Variants in AGAP2 observed in about 807,000 individuals in gnomAD.
The protein encoded by AGAP2 is ArfGAP with GTPase domain, ankyrin repeat and PH domain 2.
AGAP2 carries 32 observed loss-of-function variants against 110.9 expected under a neutral mutation model. The observed-to-expected ratio is 0.29, with a 90% CI of 0.22 to 0.39. The LOEUF is 0.39. Ranked by LOEUF, AGAP2 falls within the 10% of genes least tolerant of loss-of-function variation. The pLI is 1.00. For synonymous variants in AGAP2, 702 were observed against 713.0 expected (o/e 0.98, Z 0.25); for missense variants, 1,285 against 1,638.5 (o/e 0.78, Z 3.72).
At position 57,726,783 on chromosome 12, in the gene AGAP2, G is replaced by A; in HGVS notation, c.3348C>T (p.Asp1116=). ...GGCCCTGGGCGTCACGGGCCGCCAC[G>A]TCCGCGCCGTACTAGAGGGCGGAAA... ...ITQLLLWYGA[D]VAARDAQGRT... Residue 1116 remains aspartate, a synonymous_variant, in exon 19 of 19, where the codon GAC becomes GAT. Coordinates refer to ENST00000547588, the MANE Select transcript of AGAP2 (RefSeq NM_001122772.3). This position sits in a 1 kb window ranked among gnomAD's most constrained non-coding sequence, Gnocchi z 5.7. 7.2e-7 allele frequency: 1 copy of A among 1,391,140 alleles called. No individual in the cohort carries two copies. The highest frequency in any genetic ancestry group is 1.5e-5 in the African/African-American group (1 of 66,376). 86.2% of individuals were successfully genotyped at this position (1,391,140 alleles called of 1,614,324 possible). A position where few individuals can be genotyped will look rare whatever the true frequency, so the allele number is the denominator to read the frequency against.
rs1955038384 is a variant in AGAP2, at chr12:57,738,740, A to C, written c.-494T>G. Among the ~76,000 whole-genome samples the C allele has an allele frequency of 7.8e-6, 1 of 128,624 alleles. No homozygotes were observed. Among genetic ancestry groups the C allele is most frequent in the South Asian group, 2.5e-4 (1 of 4,050 alleles). 84.4% of individuals were successfully genotyped at this position (128,624 alleles called of 152,430 possible). A position where few individuals can be genotyped will look rare whatever the true frequency, so the allele number is the denominator to read the frequency against. Reference sequence around the variant, plus strand: ...AGGGTCTAGAGGAGGGTGGGAAGCTAGTGGGGCTGGCCGTGCGGGGGATTC... The same window carrying C: ...AGGGTCTAGAGGAGGGTGGGAAGCTCGTGGGGCTGGCCGTGCGGGGGATTC... On this transcript the variant is annotated 5_prime_UTR_variant, in exon 1 of 19. Transcript: ENST00000547588. This position sits in a 1 kb window ranked among gnomAD's most constrained non-coding sequence, Gnocchi z 6.7.
Position 57,726,457 on chromosome 12 carries a change from A to G in AGAP2, c.*95T>C. The G allele has an allele frequency of 1.8e-6, 2 of 1,108,702 alleles. No individual in the cohort carries two copies. The highest frequency in any genetic ancestry group is 2.2e-6 in the Non-Finnish European group (2 of 903,652). The allele number at this position is 1,108,702 out of a possible 1,614,324, so 68.7% of individuals were successfully genotyped here. A position where few individuals can be genotyped will look rare whatever the true frequency, so the allele number is the denominator to read the frequency against. On this transcript the variant is annotated 3_prime_UTR_variant, in exon 19 of 19. Coordinates refer to ENST00000547588, the MANE Select transcript of AGAP2 (RefSeq NM_001122772.3). This position sits in a 1 kb window ranked among gnomAD's most constrained non-coding sequence, Gnocchi z 5.7. ...AGTGCTCCCGTGGGGCGGGGTGCGG[A>G]TCGGAGAGGTGAGTGGGTGCGTCTG... is the stretch of plus-strand genomic sequence containing the variant.
At chr12:57,730,318 G>C in intron 12 of AGAP2, 177 bp downstream of exon 12, 1 of 937,544 alleles carries the variant, frequency 1.1e-6, no homozygotes, top group South Asian at 1.8e-5. Context: ...TGACGTTAGA[G>C]TCCACTTGTC....
intron 7 of AGAP2, 146 bp from the exon 8 acceptor site, chr12:57,732,113 C>T: frequency 9.8e-7 from 1 of 1,024,212 alleles, no homozygotes; most frequent in Non-Finnish European, 1.4e-6. Flanking sequence ...AAAATCCTCA[C>T]TAACATTGTG....
Position 57,727,503 on chromosome 12 carries a change from G to A in AGAP2, c.2937C>T (p.His979=). Residue 979 remains histidine (H), a synonymous_variant, in exon 17 of 19, where the codon CAC becomes CAT. Transcript: ENST00000547588. ...CSGIHRNLGT[H]LSRVRSLDLD... ...AGTCCAGCGAGCGAACGCGGGACAG[G>A]TGTGTGCCCAGGTTGCGGTGGATGC... is the stretch of plus-strand genomic sequence containing the variant. 1 of 1,612,894 alleles carries A rather than the reference G, an allele frequency of 6.2e-7. No homozygotes were observed. Among genetic ancestry groups the A allele is most frequent in the Non-Finnish European group, 8.5e-7 (1 of 1,179,700 alleles).
At chr12:57,734,795 C>T in intron 2 of AGAP2, 116 bp from the exon 3 acceptor site, 1 of 882,678 alleles carries the variant, frequency 1.1e-6, no homozygotes, top group Non-Finnish European at 1.8e-6. Context: ...CCCTACAGGG[C>T]CTGGATGACA....
Position 57,737,547 on chromosome 12 carries a change from C to G in AGAP2, c.700G>C (p.Val234Leu), listed in dbSNP as rs1415693679. 1 of 1,555,014 alleles carries G rather than the reference C, an allele frequency of 6.4e-7. No homozygotes were observed. Among genetic ancestry groups the G allele is most frequent in the Admixed American group, 1.9e-5 (1 of 51,330 alleles). ...GCGGCGGCGGTGGCGGCGGCAGAGA[C>G]CGAAGCTCCAGTCCCGGCGCTGCTC... Reference protein sequence around the residue: ...SKSSAGTGASVSAAATAAAAG... With the variant: ...SKSSAGTGASLSAAATAAAAG... The change falls in exon 1 of 19, where the codon GTC becomes CTC. Residue 234 changes from valine (V) to leucine (L), a missense_variant. Val to Leu is a conservative substitution (Grantham distance 32). Coordinates refer to ENST00000547588, the MANE Select transcript of AGAP2 (RefSeq NM_001122772.3). This position sits in a 1 kb window ranked among gnomAD's most constrained non-coding sequence, Gnocchi z 5.9.
At position 57,731,566 on chromosome 12, in the gene AGAP2, G is replaced by C; in HGVS notation, c.2030C>G (p.Pro677Arg). The C allele has an allele frequency of 6.2e-7, 1 of 1,614,118 alleles. No homozygotes were observed. Among genetic ancestry groups the C allele is most frequent in the Non-Finnish European group, 8.5e-7 (1 of 1,180,022 alleles). ...CCCTGGATCACTCACCTGTTTGATG[G>C]GGATGGCTCGCCCACTCCCTGTTGT... ...GETTGSGRAI[P>R]IKQSFLLKRS... The change falls in exon 9 of 19, where the codon CCC (proline) becomes CGC (arginine). Residue 677 changes from proline (P) to arginine (R), a missense_variant. Physicochemically the swap from Pro to Arg is moderately radical, Grantham distance 103 (BLOSUM62 -2). This residue lies in a region of AGAP2 where 24 missense variants were observed against 69.5 expected (regional missense o/e 0.35). Transcript: ENST00000547588.
Position 57,737,803 on chromosome 12 carries a change from C to A in AGAP2, c.444G>T (p.Pro148=). 6.6e-7 allele frequency: 1 copy of A among 1,524,464 alleles called. No homozygotes were observed. The highest frequency in any genetic ancestry group is 1.2e-5 in the South Asian group (1 of 83,172). 94.4% of individuals were successfully genotyped at this position (1,524,464 alleles called of 1,614,324 possible). Residue 148 remains proline, a synonymous_variant, in exon 1 of 19, where the codon CCG becomes CCT. Coordinates refer to ENST00000547588, the MANE Select transcript of AGAP2 (RefSeq NM_001122772.3). This position sits in a 1 kb window ranked among gnomAD's most constrained non-coding sequence, Gnocchi z 5.9. Reference sequence around the variant, plus strand: ...CTTCGGGCTCCGGGCCGCCCCAGCTCGGGCTGCTGAGCAGGGGGCGCCGGG... The same window carrying A: ...CTTCGGGCTCCGGGCCGCCCCAGCTAGGGCTGCTGAGCAGGGGGCGCCGGG... The part of the protein sequence containing the change: ...TSSRRPLLSS[P]SWGGPEPEGR...
In AGAP2 at chr12:57,729,622, GC is replaced by G. The variant is rs754033383; in HGVS notation, c.2557+16del. 3.0e-5 allele frequency: 48 copies of G among 1,606,650 alleles called. No homozygotes were observed. The highest frequency in any genetic ancestry group is 4.1e-5 in the Non-Finnish European group (48 of 1,177,122). On this transcript the variant is annotated intron_variant, in intron 13 of 18. Transcript: ENST00000547588. ...GAGGGTTCTGGGTGGGAGTGGAAGT[GC>G]CTGCCAGAGCCTCACCTTCAGCCTG...
rs1278110289 is a variant in AGAP2, at chr12:57,738,069, C to T, written c.178G>A (p.Glu60Lys). 3 of 1,524,292 alleles carry T rather than the reference C, an allele frequency of 2.0e-6. No individual in the cohort carries two copies. The highest frequency in any genetic ancestry group is 4.0e-5 in the Admixed American group (2 of 50,254). The allele number at this position is 1,524,292 out of a possible 1,614,324, so 94.4% of individuals were successfully genotyped here. A position where few individuals can be genotyped will look rare whatever the true frequency, so the allele number is the denominator to read the frequency against. ...GDPGSPRGAE[E>K]PGKKRHERLF... is the part of the protein sequence containing the mutation. ...CGTTCGTGCCGCTTCTTGCCCGGCT[C>T]CTCCGCGCCTCGGGGGCTGCCAGGA... Residue 60 changes from glutamate to lysine, a missense_variant, in exon 1 of 19, where the codon GAG (glutamate) becomes AAG (lysine). Glu to Lys is a moderately conservative substitution (Grantham distance 56). Around this residue, in one of 7 missense-constraint regions of AGAP2, gnomAD observed 844 missense variants for 941.2 expected, o/e 0.90. Coordinates refer to ENST00000547588, the MANE Select transcript of AGAP2 (RefSeq NM_001122772.3). The surrounding 1 kb of genome is among the most constrained non-coding windows in gnomAD (Gnocchi z 6.7).
Position 57,738,359 on chromosome 12 carries a change from A to G in AGAP2, c.-113T>C. The G allele has an allele frequency of 8.1e-7, 1 of 1,240,986 alleles. No individual in the cohort carries two copies. Among genetic ancestry groups the G allele is most frequent in the Non-Finnish European group, 1.0e-6 (1 of 985,998 alleles). 76.9% of individuals were successfully genotyped at this position (1,240,986 alleles called of 1,614,324 possible). ...TGCCCCCAGCCCCCGGACCCCGCTG[A>G]GCCCCCGGCCCGGCTCCGCTGTCGC... On this transcript the variant is annotated 5_prime_UTR_variant, in exon 1 of 19. Coordinates refer to ENST00000547588, the MANE Select transcript of AGAP2 (RefSeq NM_001122772.3). The surrounding 1 kb of genome is among the most constrained non-coding windows in gnomAD (Gnocchi z 6.7).
intron 5 of AGAP2, 149 bp from the exon 6 acceptor site, chr12:57,733,128 G>A: frequency 9.5e-7 from 1 of 1,054,578 alleles, no homozygotes; most frequent in Non-Finnish European, 1.4e-6. Flanking sequence ...AGGTGGAATG[G>A]GAGTACATAA....
intron 8 of AGAP2, 75 bp downstream of exon 8, chr12:57,731,734 G>T (rs1954889392): frequency 6.3e-7 from 1 of 1,584,678 alleles, no homozygotes; most frequent in Non-Finnish European, 8.6e-7. Context: ...CCCAACAGAG[G>T]AGTCTAGGGA....
chr12:57,734,520 T>G (rs936677121), intron 3 of AGAP2, 72 bp downstream of exon 3: 4 of 1,591,540 alleles, frequency 2.5e-6, no homozygotes, highest in Admixed American at 3.3e-5. Flanking sequence ...TCTCCACACC[T>G]GCCTAATCAT....
At chr12:57,736,851 G>A (rs899227117) in intron 1 of AGAP2, among the ~76,000 whole-genome samples, 1 of 152,214 alleles carries the variant, frequency 6.6e-6, no homozygotes, top group Non-Finnish European at 1.5e-5. Flanking sequence ...AAAGCTCTGA[G>A]GCTGAGTCCC....
At chr12:57,736,568 T>C (rs1241791382) in intron 1 of AGAP2, among the ~76,000 whole-genome samples, 1 of 152,172 alleles carries the variant, frequency 6.6e-6, no homozygotes, top group Non-Finnish European at 1.5e-5. Flanking sequence ...CCAATCCGCC[T>C]TCACCGCACG....
In AGAP2 at chr12:57,731,926, G is replaced by A. The variant is rs750480607; in HGVS notation, c.1836C>T (p.Leu612=). 1.1e-5 allele frequency: 18 copies of A among 1,613,792 alleles called. No homozygotes were observed. The East Asian group carries it at 1.6e-4, about 14-fold the overall frequency. Residue 612 remains leucine, a synonymous_variant, in exon 8 of 19, where the codon CTC becomes CTT. Coordinates refer to ENST00000547588, the MANE Select transcript of AGAP2 (RefSeq NM_001122772.3). ...GGHTSDYSSS[L]PSSPNVGHRE... ...GGTGACCAACATTCGGTGAGGACGGGAGGGAAGAAGAGTAGTCGCTAGTGT... is the reference window on the plus strand; with the variant it reads ...GGTGACCAACATTCGGTGAGGACGGAAGGGAAGAAGAGTAGTCGCTAGTGT...
At chr12:57,727,843 C>T (rs756097653) in intron 15 of AGAP2, 72 bp from the exon 16 acceptor site, 21 of 1,584,994 alleles carry the variant, frequency 1.3e-5, no homozygotes, top group Admixed American at 1.7e-5. Context: ...CCTCTGCTCT[C>T]CTCTCACACG....
Sources: gnomAD v4.1 joint callset for allele counts (sites outside exome capture counted in the v4.1 genomes callset) on GRCh38, gnomAD v4.1.1 for gene constraint, gnomAD v4.1.1 regional missense constraint, Gnocchi (gnomAD v3.1) non-coding constraint, MANE v1.5 for transcripts, NCBI Gene and HGNC (gene_info 2026-07-23, HGNC 2026-07-21) for gene names.